PLB1: variants seen among roughly 807,000 people sequenced by gnomAD.
The protein encoded by PLB1 is phospholipase B1, also known as phospholipase B1, membrane-associated.
PLB1 carries 242 observed loss-of-function variants against 227.4 expected under a neutral mutation model. The ratio of observed to expected loss-of-function variants is 1.06; its 90% confidence interval spans 0.96 to 1.18. The LOEUF is 1.18. PLB1 is among the 50% of genes most tolerant of loss of function. The pLI is 0.00. For missense variants in PLB1, 1,858 were observed against 1,816.3 expected, an observed-to-expected ratio of 1.02 and a Z score of -0.42; for synonymous variants, 757 against 682.2, an observed-to-expected ratio of 1.11 and a Z score of -1.71.
At chr2:28,597,644 C>T (rs900332970) in intron 33 of PLB1, among the ~76,000 whole-genome samples, 10 of 152,184 alleles carry the variant, frequency 6.6e-5, no homozygotes, top group African/African-American at 2.4e-4. Flanking sequence ...CTGTGCACCT[C>T]ATTTTCTTAC....
At chr2:28,617,400 A>G (rs1007131555) in intron 44 of PLB1, among the ~76,000 whole-genome samples, 5 of 152,052 alleles carry the variant, frequency 3.3e-5, no homozygotes, top group Non-Finnish European at 5.9e-5. Context: ...CCTGTGTAGG[A>G]CTTCATGGTT....
intron 25 of PLB1, 130 bp downstream of exon 25, chr2:28,582,635 C>T (rs186541395): frequency 7.2e-6 from 5 of 698,388 alleles, no homozygotes; most frequent in African/African-American, 1.8e-5. Flanking sequence ...ATCTTCTAAC[C>T]TGGAAAAGCC....
rs1394273310 is a variant in PLB1 at position 28,496,075 on chromosome 2, C to T, written c.-40C>T. 5.0e-6 allele frequency: 8 copies of T among 1,596,634 alleles called. No individual in the cohort carries two copies. The highest frequency in any genetic ancestry group is 2.2e-5 in the South Asian group (2 of 90,742). ...GTGATAGCCCATCCATCTGCTGGAG[C>T]AGCTCTTCCAGAGGCCCGAGTCACC... On this transcript the variant is annotated 5_prime_UTR_variant, in exon 1 of 58. Coordinates refer to ENST00000327757, the MANE Select transcript of PLB1 (RefSeq NM_153021.5).
chr2:28,576,347 C>T (rs1678934755), intron 21 of PLB1, among the ~76,000 whole-genome samples: 1 of 152,198 alleles, frequency 6.6e-6, no homozygotes, highest in African/African-American at 2.4e-5. Context: ...ATTTACAAGG[C>T]ACCCTCACGT....
At chr2:28,500,230 G>A (rs953614367) in intron 1 of PLB1, among the ~76,000 whole-genome samples, 6 of 152,020 alleles carry the variant, frequency 3.9e-5, no homozygotes, top group South Asian at 2.1e-4. Context: ...TAGTTCTCTC[G>A]GCTTTTTGTT....
At chr2:28,503,231 C>T (rs1667295705) in intron 1 of PLB1, among the ~76,000 whole-genome samples, 1 of 151,976 alleles carries the variant, frequency 6.6e-6, no homozygotes, top group Non-Finnish European at 1.5e-5. Flanking sequence ...CAGCTCACTG[C>T]TGCCTCGACC....
At chr2:28,566,666 A>T in intron 19 of PLB1, 130 bp from the exon 20 acceptor site, 1 of 972,410 alleles carries the variant, frequency 1.0e-6, no homozygotes, top group Admixed American at 1.9e-5. Context: ...TACTGAAGTG[A>T]TGGGGAAAGT....
chr2:28,584,224 G>C (rs1368121195), intron 25 of PLB1, among the ~76,000 whole-genome samples: 2 of 152,228 alleles, frequency 1.3e-5, no homozygotes, highest in South Asian at 2.1e-4. Context: ...TAATTCACAA[G>C]GGCCAGACTT....
In PLB1 at chr2:28,585,848, C is replaced by A; in HGVS notation, c.1815+6C>A. On this transcript the variant is annotated splice_donor_region_variant and intron_variant, in intron 26 of 57. Coordinates refer to ENST00000327757, the MANE Select transcript of PLB1 (RefSeq NM_153021.5). Reference sequence around the variant, plus strand: ...AATTCAACAAGAAGTTTCAGGTAAGCCGGGAAGGGGTTCTAAGACTTCCCA... The same window carrying A: ...AATTCAACAAGAAGTTTCAGGTAAGACGGGAAGGGGTTCTAAGACTTCCCA... 2 of 1,593,718 alleles carry A rather than the reference C, an allele frequency of 1.3e-6. No homozygotes were observed. Among genetic ancestry groups the A allele is most frequent in the Non-Finnish European group, 1.7e-6 (2 of 1,161,578 alleles).
At chr2:28,607,830 CTGAA>C (rs1684895367) in intron 43 of PLB1, among the ~76,000 whole-genome samples, 2 of 152,178 alleles carry the variant, frequency 1.3e-5, no homozygotes, top group South Asian at 4.1e-4. Flanking sequence ...TATAGCCATA[CTGAA>C]TATCAGCCAT....
At chr2:28,597,903 TG>T in intron 33 of PLB1, 101 bp from the exon 34 acceptor site, 2 of 1,140,336 alleles carry the variant, frequency 1.8e-6, no homozygotes. Context: ...AAGGTGCCGA[TG>T]GGCACTAAGA....
chr2:28,593,291 C>T (rs549866293), intron 32 of PLB1, among the ~76,000 whole-genome samples: 1 of 152,310 alleles, frequency 6.6e-6, no homozygotes, highest in South Asian at 2.1e-4. Context: ...CCACTGCAGT[C>T]GCTTAAGCCA....
intron 43 of PLB1, among the ~76,000 whole-genome samples, chr2:28,612,866 C>A (rs373549979): frequency 4.0e-5 from 6 of 151,458 alleles, no homozygotes; most frequent in South Asian, 2.1e-4. Context: ...ATGAACCCCC[C>A]CTTGGCCTCC....
At chr2:28,601,830 T>C (rs1490340400) in intron 37 of PLB1, 69 bp from the exon 38 acceptor site, 1 of 1,339,520 alleles carries the variant, frequency 7.5e-7, no homozygotes, top group Admixed American at 1.7e-5. Context: ...AGAAGGGAAG[T>C]TGAGAACTGC....
chr2:28,633,788 A>G (rs1688979416), intron 56 of PLB1, among the ~76,000 whole-genome samples: 1 of 152,220 alleles, frequency 6.6e-6, no homozygotes, highest in African/African-American at 2.4e-5. Context: ...GCACGGAGCA[A>G]ATGAAATGCC....
intron 14 of PLB1, among the ~76,000 whole-genome samples, chr2:28,543,856 G>A (rs1386724784): frequency 6.6e-6 from 1 of 152,190 alleles, no homozygotes; most frequent in African/African-American, 2.4e-5. Context: ...CCTTTTTACT[G>A]TAACTGTAAC....
Position 28,617,756 on chromosome 2 carries a change from G to T in PLB1, c.3225G>T (p.Glu1075Asp). ...GGGGCAGTGACTTCCTGTGTACAGA[G>T]TGGAAGGCTTCCAATAGTGTTCCAA... ...ENWGSDFLCT[E>D]WKASNSVPTS... Residue 1075 changes from glutamate (E) to aspartate (D), a missense_variant, in exon 45 of 58, where the codon GAG becomes GAT. Coordinates refer to ENST00000327757, the MANE Select transcript of PLB1 (RefSeq NM_153021.5). The T allele has an allele frequency of 6.2e-7, 1 of 1,614,200 alleles. No individual in the cohort carries two copies. The highest frequency in any genetic ancestry group is 8.5e-7 in the Non-Finnish European group (1 of 1,180,012).
intron 8 of PLB1, among the ~76,000 whole-genome samples, chr2:28,531,648 C>T (rs964389889): frequency 6.6e-6 from 1 of 152,184 alleles, no homozygotes; most frequent in Non-Finnish European, 1.5e-5. Flanking sequence ...ATTTTCTCAA[C>T]AGATTAGTTC....
intron 51 of PLB1, among the ~76,000 whole-genome samples, chr2:28,628,068 A>G (rs1023987711): frequency 4.6e-5 from 7 of 152,344 alleles, no homozygotes; most frequent in African/African-American, 1.7e-4. Flanking sequence ...TCAGCCTCCT[A>G]CTGGGGAGAT....
Sources: gnomAD v4.1 joint callset for allele counts (sites outside exome capture counted in the v4.1 genomes callset) on GRCh38, gnomAD v4.1.1 for gene constraint, MANE v1.5 for transcripts, NCBI Gene and HGNC (gene_info 2026-07-23, HGNC 2026-07-21) for gene names.